SDHAF3: variants seen among roughly 807,000 people sequenced by gnomAD.
SDHAF3 encodes succinate dehydrogenase assembly factor 3, mitochondrial.
SDHAF3 carries 18 observed loss-of-function variants against 11.5 expected under a neutral mutation model. The observed-to-expected ratio is 1.56, with a 90% CI of 1.08 to 2.32. The LOEUF (loss-of-function observed/expected upper bound fraction) is 2.32. Among genes scored for constraint, SDHAF3 ranks in the 30% most tolerant of loss-of-function variants. The pLI is 0.00. For synonymous variants in SDHAF3, 72 were observed against 59.3 expected, an observed-to-expected ratio of 1.21 and a Z score of -0.99; for missense variants, 200 against 154.4, an observed-to-expected ratio of 1.30 and a Z score of -1.57.
At chr7:97,119,342 A>G (rs1307997673) in intron 1 of SDHAF3, among the ~76,000 whole-genome samples, 1 of 152,214 alleles carries the variant, frequency 6.6e-6, no homozygotes, top group Non-Finnish European at 1.5e-5. Flanking sequence ...AGTAGGAAAG[A>G]GTAGCAACTC....
At chr7:97,144,187 T>C (rs1476637237) in intron 1 of SDHAF3, among the ~76,000 whole-genome samples, 1 of 135,708 alleles carries the variant, frequency 7.4e-6, no homozygotes, top group African/African-American at 3.0e-5. Context: ...GGATTGTTTG[T>C]TTTTTTCTTA....
intron 1 of SDHAF3, among the ~76,000 whole-genome samples, chr7:97,134,100 C>A (rs952367306): frequency 2.0e-5 from 3 of 152,324 alleles, no homozygotes; most frequent in Non-Finnish European, 2.9e-5. Context: ...TCCCTCCCCC[C>A]TTTCCAAAGC....
chr7:97,159,562 G>A (rs1471057768), intron 1 of SDHAF3, among the ~76,000 whole-genome samples: 1 of 152,076 alleles, frequency 6.6e-6, no homozygotes, highest in East Asian at 1.9e-4. Context: ...CTTTGAGCTT[G>A]TCCTCCAGGA....
At position 97,117,938 on chromosome 7, in the gene SDHAF3, T is replaced by C. The variant is rs368513381; in HGVS notation, c.174+41T>C. The C allele has an allele frequency of 2.5e-6, 4 of 1,600,174 alleles. No individual in the cohort carries two copies. In the African/African-American group the frequency reaches 4.0e-5, roughly 16 times the overall value. ...TTCTCTTTGCCCAAGACCTTTGGGG[T>C]TCCTCGGTGTCCAGGTTTCTAGTTC... On this transcript the variant is annotated intron_variant, in intron 1 of 1. Coordinates refer to ENST00000432641, the MANE Select transcript of SDHAF3 (RefSeq NM_020186.3).
intron 1 of SDHAF3, among the ~76,000 whole-genome samples, chr7:97,166,328 A>G (rs1789503866): frequency 6.6e-6 from 1 of 152,214 alleles, no homozygotes; most frequent in Non-Finnish European, 1.5e-5. Context: ...TAAGATGTAC[A>G]TTGGTTCAGT....
In SDHAF3 at chr7:97,131,934, A is replaced by G. The variant is rs575655229; in HGVS notation, c.174+14037A>G. Among the ~76,000 whole-genome samples, 10 of 152,332 alleles carry G rather than the reference A, an allele frequency of 6.6e-5. No individual in the cohort carries two copies. In the East Asian group the frequency reaches 1.7e-3, roughly 26 times the overall value. Reference sequence around the variant, plus strand: ...ATGATGGATGGGTTAGTATGCAGTTATTAGAAATGGTGTTTCAGAAGAACT... The same window carrying G: ...ATGATGGATGGGTTAGTATGCAGTTGTTAGAAATGGTGTTTCAGAAGAACT... On this transcript the variant is annotated intron_variant, in intron 1 of 1. Coordinates refer to ENST00000432641, the MANE Select transcript of SDHAF3 (RefSeq NM_020186.3).
intron 1 of SDHAF3, among the ~76,000 whole-genome samples, chr7:97,122,151 C>T (rs1026940981): frequency 6.6e-5 from 10 of 152,132 alleles, no homozygotes; most frequent in Non-Finnish European, 1.2e-4. Context: ...CCACCGCGCC[C>T]GGCCGAAACA....
At chr7:97,149,483 A>G (rs748074722) in intron 1 of SDHAF3, among the ~76,000 whole-genome samples, 10 of 152,306 alleles carry the variant, frequency 6.6e-5, no homozygotes, top group Non-Finnish European at 1.5e-4. Flanking sequence ...CAAACTGCAC[A>G]TGTATACCTT....
At chr7:97,154,786 A>G (rs925061093) in intron 1 of SDHAF3, among the ~76,000 whole-genome samples, 1 of 152,116 alleles carries the variant, frequency 6.6e-6, no homozygotes. Flanking sequence ...ATTTAAGCCC[A>G]TGATCTATTT....
At chr7:97,135,832 C>T (rs904971803) in intron 1 of SDHAF3, among the ~76,000 whole-genome samples, 10 of 150,742 alleles carry the variant, frequency 6.6e-5, no homozygotes, top group East Asian at 2.0e-4. Flanking sequence ...GGACTACAGG[C>T]GCCCGCCACC....
At chr7:97,126,868 C>A (rs1791584940) in intron 1 of SDHAF3, among the ~76,000 whole-genome samples, 1 of 149,564 alleles carries the variant, frequency 6.7e-6, no homozygotes, top group Admixed American at 6.7e-5. Flanking sequence ...AAAAACCCTG[C>A]AGCTAGCTCG....
chr7:97,158,307 T>C (rs947274163), intron 1 of SDHAF3, among the ~76,000 whole-genome samples: 24 of 152,194 alleles, frequency 1.6e-4, no homozygotes, highest in African/African-American at 4.6e-4. Context: ...TCTGATCCTA[T>C]AAACATCTTA....
intron 1 of SDHAF3, among the ~76,000 whole-genome samples, chr7:97,149,463 G>GTGCAGT (rs1562825668): frequency 6.6e-6 from 1 of 152,070 alleles, no homozygotes; most frequent in East Asian, 1.9e-4. Flanking sequence ...CAAAACCACT[G>GTGCAGT]TAGTAGGAGC....
At chr7:97,118,357 G>A (rs1276867674) in intron 1 of SDHAF3, among the ~76,000 whole-genome samples, 2 of 152,066 alleles carry the variant, frequency 1.3e-5, no homozygotes, top group African/African-American at 4.8e-5. Flanking sequence ...TTCTCACTTG[G>A]CTGATACAGA....
At chr7:97,134,345 T>C (rs1291222650) in intron 1 of SDHAF3, among the ~76,000 whole-genome samples, 1 of 152,220 alleles carries the variant, frequency 6.6e-6, no homozygotes, top group Non-Finnish European at 1.5e-5. Flanking sequence ...CTGATAACTC[T>C]GGATTACTGG....
At chr7:97,145,840 A>G (rs976177560) in intron 1 of SDHAF3, among the ~76,000 whole-genome samples, 1 of 152,294 alleles carries the variant, frequency 6.6e-6, no homozygotes, top group African/African-American at 2.4e-5. Flanking sequence ...CTATAGCCTG[A>G]TGATTCATAG....
rs36056301 is a variant in SDHAF3, at chr7:97,148,930, CTTT to C, written c.174+31046_174+31048del. 2.2e-5 allele frequency among the ~76,000 whole-genome samples: 3 copies of C among 139,298 alleles called. No homozygotes were observed. In the East Asian group the frequency reaches 6.2e-4, roughly 29 times the overall value. The allele number at this position is 139,298 out of a possible 152,430, so 91.4% of individuals were successfully genotyped here. A position where few individuals can be genotyped will look rare whatever the true frequency, so the allele number is the denominator to read the frequency against. On this transcript the variant is annotated intron_variant, in intron 1 of 1. Transcript: ENST00000432641. ...TGATGCACAATCAGTAGATTTGTGTCTTTTTTTTTTTTTTTCTGAAACAGGATC... is the reference window on the plus strand; with the variant it reads ...TGATGCACAATCAGTAGATTTGTGTCTTTTTTTTTTTTCTGAAACAGGATC...
Position 97,117,917 on chromosome 7 carries a change from C to T in SDHAF3, c.174+20C>T, listed in dbSNP as rs762429233. On this transcript the variant is annotated intron_variant, in intron 1 of 1. Coordinates refer to ENST00000432641, the MANE Select transcript of SDHAF3 (RefSeq NM_020186.3). The stretch of plus-strand genomic sequence containing the variant: ...TGGGAGGCAAGTGACGCTCCCTTCT[C>T]TTTGCCCAAGACCTTTGGGGTTCCT... 3 of 1,612,242 alleles carry T rather than the reference C, an allele frequency of 1.9e-6. No individual in the cohort carries two copies. Among genetic ancestry groups the T allele is most frequent in the South Asian group, 1.1e-5 (1 of 90,836 alleles).
intron 1 of SDHAF3, among the ~76,000 whole-genome samples, chr7:97,136,681 A>G (rs1301565963): frequency 6.6e-6 from 1 of 152,178 alleles, no homozygotes; most frequent in African/African-American, 2.4e-5. Context: ...TTTCTCTTTT[A>G]AAAGCATAAC....
Sources: gnomAD v4.1 joint callset for allele counts (sites outside exome capture counted in the v4.1 genomes callset) on GRCh38, gnomAD v4.1.1 for gene constraint, MANE v1.5 for transcripts, NCBI Gene and HGNC (gene_info 2026-07-23, HGNC 2026-07-21) for gene names.